VIT: variants seen among roughly 807,000 people sequenced by gnomAD.
VIT encodes the protein vitrin.
A neutral mutation model predicts 78.0 loss-of-function variants in VIT; 99 were observed. The observed-to-expected ratio is 1.27, with a 90% CI of 1.08 to 1.50. VIT has a LOEUF of 1.50. Among genes scored for constraint, VIT ranks in the 40% most tolerant of loss-of-function variants. The pLI is 0.00. For missense variants in VIT, 1,126 were observed against 875.3 expected, an observed-to-expected ratio of 1.29 and a Z score of -3.61; for synonymous variants, 374 against 334.3, an observed-to-expected ratio of 1.12 and a Z score of -1.29.
intron 7 of VIT, among the ~76,000 whole-genome samples, chr2:36,772,397 A>T (rs559603651): frequency 6.6e-6 from 1 of 152,078 alleles, no homozygotes; most frequent in East Asian, 1.9e-4. Flanking sequence ...TTAGCCGGGC[A>T]TGGTGGCACA....
At chr2:36,774,484 T>C in intron 8 of VIT, 2 of 984,834 alleles carry the variant, frequency 2.0e-6, no homozygotes, top group Non-Finnish European at 2.4e-6. Context: ...TTGGTGGAAG[T>C]ATACCATTCC....
chr2:36,760,183 C>G (rs533871543), intron 6 of VIT, among the ~76,000 whole-genome samples: 1 of 151,998 alleles, frequency 6.6e-6, no homozygotes, highest in Admixed American at 6.5e-5. Flanking sequence ...TTAGTAGAGA[C>G]GGGGTTTCAC....
intron 2 of VIT, among the ~76,000 whole-genome samples, chr2:36,721,438 C>T (rs565118682): frequency 2.6e-5 from 4 of 152,118 alleles, no homozygotes; most frequent in Non-Finnish European, 4.4e-5. Context: ...TTAAGTCCCC[C>T]TACCCCTCCT....
rs1334143790 is a variant in VIT at position 36,754,963 on chromosome 2, G to A, written c.318G>A (p.Lys106=). The change falls in exon 5 of 16, where the codon AAG becomes AAA. Residue 106 remains lysine (K), a synonymous_variant. Transcript: ENST00000379242. ...DNSGGKILVR[K]VAGQSGYKGS... ...CAGGAGGGAAAATACTTGTTCGGAA[G>A]GTTGCTGGACAGTCTGGTTACAAAG... The A allele has an allele frequency of 1.2e-6, 2 of 1,614,128 alleles. No homozygotes were observed. The highest frequency in any genetic ancestry group is 2.2e-5 in the East Asian group (1 of 44,884).
intron 9 of VIT, among the ~76,000 whole-genome samples, chr2:36,778,502 A>G (rs1670204256): frequency 6.6e-6 from 1 of 152,110 alleles, no homozygotes; most frequent in Non-Finnish European, 1.5e-5. Flanking sequence ...TGGTCTGGAA[A>G]CCTAACCATG....
chr2:36,745,206 T>C, intron 4 of VIT, among the ~76,000 whole-genome samples: 1 of 152,148 alleles, frequency 6.6e-6, no homozygotes, highest in East Asian at 1.9e-4. Flanking sequence ...ACCATGTTGT[T>C]TTGATTGCTG....
At chr2:36,736,083 A>G (rs1042647592) in intron 3 of VIT, among the ~76,000 whole-genome samples, 5 of 152,122 alleles carry the variant, frequency 3.3e-5, no homozygotes, top group African/African-American at 1.2e-4. Context: ...CAAGGCTCTC[A>G]TTTTCCTGAT....
At chr2:36,729,581 GT>G (rs2148484398) in intron 3 of VIT, 90 bp downstream of exon 3, 1 of 1,397,750 alleles carries the variant, frequency 7.2e-7, no homozygotes, top group East Asian at 2.3e-5. Flanking sequence ...TTTTGTTTTG[GT>G]TTGGTTTTTA....
chr2:36,798,952 C>A (rs1217982279), intron 12 of VIT, among the ~76,000 whole-genome samples: 2 of 152,162 alleles, frequency 1.3e-5, no homozygotes, highest in African/African-American at 2.4e-5. Flanking sequence ...TCAACACCCC[C>A]ATTTCCCCCA....
At chr2:36,799,062 T>A (rs1160706734) in intron 12 of VIT, among the ~76,000 whole-genome samples, 1 of 152,236 alleles carries the variant, frequency 6.6e-6, no homozygotes, top group Non-Finnish European at 1.5e-5. Context: ...TTTTCTCCAG[T>A]GCCCCACTTT....
intron 15 of VIT, among the ~76,000 whole-genome samples, chr2:36,810,224 G>T (rs1667056121): frequency 6.6e-6 from 1 of 152,138 alleles, no homozygotes; most frequent in Admixed American, 6.5e-5. Context: ...CCCAGAGGTG[G>T]AGTTTGCTGG....
At chr2:36,791,662 A>C (rs1175676522) in intron 12 of VIT, among the ~76,000 whole-genome samples, 1 of 152,150 alleles carries the variant, frequency 6.6e-6, no homozygotes, top group Non-Finnish European at 1.5e-5. Context: ...TTGAAGATGG[A>C]GGAAAGGGAC....
At chr2:36,705,171 G>A (rs1483957102) in intron 1 of VIT, among the ~76,000 whole-genome samples, 1 of 152,140 alleles carries the variant, frequency 6.6e-6, no homozygotes, top group East Asian at 1.9e-4. Context: ...ACGGTTTCCA[G>A]GGTAACTAAG....
At position 36,809,153 on chromosome 2, in the gene VIT, C is replaced by T. The variant is rs1158614954; in HGVS notation, c.1903+168C>T. On this transcript the variant is annotated intron_variant, in intron 15 of 15. Transcript: ENST00000379242. The stretch of plus-strand genomic sequence containing the variant: ...TTAGGGGTAGAAACACTGCAAGCCC[C>T]TCTGAGTAGGGAGAAGGAACAAGGA... 2.0e-5 allele frequency among the ~76,000 whole-genome samples: 3 copies of T among 152,164 alleles called. No individual in the cohort carries two copies. The East Asian group carries it at 5.8e-4, about 29-fold the overall frequency.
intron 6 of VIT, among the ~76,000 whole-genome samples, chr2:36,765,339 A>G (rs1306206536): frequency 1.3e-5 from 2 of 151,926 alleles, no homozygotes; most frequent in African/African-American, 4.8e-5. Flanking sequence ...TCACAGTTCC[A>G]CATGGCTGGG....
At chr2:36,785,701 C>T (rs1665048629) in intron 11 of VIT, among the ~76,000 whole-genome samples, 1 of 152,180 alleles carries the variant, frequency 6.6e-6, no homozygotes, top group Admixed American at 6.5e-5. Flanking sequence ...AGCCAAGGTA[C>T]AAACAGGTGC....
Position 36,801,421 on chromosome 2 carries a change from C to A in VIT, c.1162+17C>A, listed in dbSNP as rs550231530. 4 of 1,568,064 alleles carry A rather than the reference C, an allele frequency of 2.6e-6. No homozygotes were observed. Among genetic ancestry groups the A allele is most frequent in the African/African-American group, 2.7e-5 (2 of 73,822 alleles). On this transcript the variant is annotated intron_variant, in intron 13 of 15. Transcript: ENST00000379242. ...CTAATGTAGGTATGTGATCCGGATT[C>A]AAATTATACTATCTTGCTACCATCG...
chr2:36,717,111 G>A (rs963223370), intron 2 of VIT, among the ~76,000 whole-genome samples: 5 of 151,384 alleles, frequency 3.3e-5, no homozygotes, highest in Admixed American at 6.6e-5. Flanking sequence ...TCCTGACCTC[G>A]TGATCCGTCC....
chr2:36,760,128 G>A (rs996105726), intron 6 of VIT, among the ~76,000 whole-genome samples: 2 of 151,926 alleles, frequency 1.3e-5, no homozygotes, highest in Non-Finnish European at 2.9e-5. Flanking sequence ...CCGAGTAGCT[G>A]TGACTACAGG....
Sources: allele counts gnomAD v4.1 joint callset (sites outside exome capture counted in the v4.1 genomes callset), GRCh38; gene constraint gnomAD v4.1.1; transcripts MANE v1.5; gene names NCBI Gene and HGNC (gene_info 2026-07-23, HGNC 2026-07-21).